The following SOS1 variants were observed in gnomAD, a reference collection of about 807,000 sequenced individuals.
SOS1 encodes son of sevenless homolog 1.
Under a neutral mutation model 157.6 loss-of-function variants are expected in SOS1, and 25 were observed. That is an observed-to-expected ratio of 0.16 (90% confidence interval 0.12 to 0.22). The LOEUF (loss-of-function observed/expected upper bound fraction) is 0.22. Ranked by LOEUF, SOS1 falls within the 10% of genes least tolerant of loss-of-function variation. The pLI is 1.00. For synonymous variants in SOS1, 528 were observed against 534.0 expected, an observed-to-expected ratio of 0.99 and a Z score of 0.16; for missense variants, 1,237 against 1,599.1, an observed-to-expected ratio of 0.77 and a Z score of 3.86.
intron 1 of SOS1, among the ~76,000 whole-genome samples, chr2:39,119,433 A>C (rs575325037): frequency 6.6e-6 from 1 of 152,360 alleles, no homozygotes; most frequent in South Asian, 2.1e-4. Flanking sequence ...GGTAAAACAT[A>C]ATCTCCATTC....
chr2:38,997,231 AT>A, intron 18 of SOS1, 21 bp downstream of exon 18: 2 of 1,571,692 alleles, frequency 1.3e-6, no homozygotes, highest in Non-Finnish European at 1.7e-6. Context: ...AGAAGTATGA[AT>A]CTTTAAATAA....
At chr2:39,042,283 A>C (rs952795490) in intron 6 of SOS1, among the ~76,000 whole-genome samples, 3 of 152,100 alleles carry the variant, frequency 2.0e-5, no homozygotes, top group Non-Finnish European at 2.9e-5. Context: ...CTATGCATTA[A>C]ATTTGTAGAT....
chr2:39,019,381 A>C (rs1441910356), intron 10 of SOS1, among the ~76,000 whole-genome samples: 1 of 151,704 alleles, frequency 6.6e-6, no homozygotes, highest in African/African-American at 2.4e-5. Context: ...ACAGACGTGA[A>C]ATTCCTACTC....
intron 1 of SOS1, among the ~76,000 whole-genome samples, chr2:39,073,950 C>T (rs1019328332): frequency 1.3e-5 from 2 of 152,134 alleles, no homozygotes; most frequent in African/African-American, 4.8e-5. Context: ...ATAATCAAAT[C>T]TCTTTCTTAG....
intron 6 of SOS1, among the ~76,000 whole-genome samples, chr2:39,039,064 AT>A (rs1472619701): frequency 6.6e-6 from 1 of 152,176 alleles, no homozygotes; most frequent in Non-Finnish European, 1.5e-5. Context: ...CAGCAAAAAG[AT>A]TATGACTCAC....
chr2:39,014,042 A>G (rs1669550344), intron 11 of SOS1, 53 bp from the exon 12 acceptor site: 3 of 1,422,880 alleles, frequency 2.1e-6, no homozygotes, highest in Non-Finnish European at 2.0e-6. Context: ...CGAGTTATAC[A>G]AATAGAAAAC....
At chr2:39,112,420 C>T (rs755881278) in intron 1 of SOS1, among the ~76,000 whole-genome samples, 1 of 152,224 alleles carries the variant, frequency 6.6e-6, no homozygotes, top group Non-Finnish European at 1.5e-5. Flanking sequence ...ACCTCAGTCT[C>T]CCAAGTGGCT....
chr2:39,037,042 T>C (rs937032661), intron 6 of SOS1, among the ~76,000 whole-genome samples: 1 of 152,180 alleles, frequency 6.6e-6, no homozygotes, highest in Non-Finnish European at 1.5e-5. Flanking sequence ...TGAGTTCTGG[T>C]TGTTGCATTT....
At chr2:39,010,892 T>C (rs946220645) in intron 14 of SOS1, among the ~76,000 whole-genome samples, 189 bp from the exon 15 acceptor site, 20 of 62,000 alleles carry the variant, frequency 3.2e-4, no homozygotes, top group African/African-American at 1.4e-3. Context: ...GGATTTTTTT[T>C]AAACTTTTTT....
At chr2:39,115,361 T>G (rs78092438) in intron 1 of SOS1, among the ~76,000 whole-genome samples, 2,842 of 151,818 alleles carry the variant, frequency 0.019, 46 homozygotes, top group Middle Eastern at 0.055. Flanking sequence ...TATAATTATT[T>G]TGAGATTCAG....
At chr2:39,122,892 T>A (rs769387932), upstream of SOS1, among the ~76,000 whole-genome samples, 2 of 152,102 alleles carry the variant, frequency 1.3e-5, no homozygotes, top group Non-Finnish European at 2.9e-5. Flanking sequence ...AAGAGATTGG[T>A]TTGTATGGTT....
intron 1 of SOS1, among the ~76,000 whole-genome samples, chr2:39,100,769 A>G (rs1392856085): frequency 6.6e-6 from 1 of 152,008 alleles, no homozygotes; most frequent in Non-Finnish European, 1.5e-5. Flanking sequence ...TTTAAAGAAA[A>G]ATAGCTGGGT....
intron 8 of SOS1, among the ~76,000 whole-genome samples, chr2:39,028,138 T>G (rs1011040852): frequency 2.0e-5 from 3 of 152,194 alleles, no homozygotes; most frequent in African/African-American, 7.2e-5. Context: ...GAATGAAAAC[T>G]CATATGCTCT....
At chr2:39,078,311 T>C (rs1243796295) in intron 1 of SOS1, among the ~76,000 whole-genome samples, 1 of 152,190 alleles carries the variant, frequency 6.6e-6, no homozygotes. Flanking sequence ...CAAGTATTGG[T>C]AAAGACATAA....
chr2:38,988,627 T>C (rs539140201), intron 21 of SOS1, among the ~76,000 whole-genome samples: 5 of 152,178 alleles, frequency 3.3e-5, no homozygotes, highest in South Asian at 2.1e-4. Flanking sequence ...CTTAAGAATA[T>C]AGTTAATTCA....
At chr2:39,102,530 C>CAAAAA (rs70954782) in intron 1 of SOS1, among the ~76,000 whole-genome samples, 44 of 50,474 alleles carry the variant, frequency 8.7e-4, no homozygotes, top group African/African-American at 1.0e-3. Flanking sequence ...GACTCCATCT[C>CAAAAA]AAAAAAAAAA....
intron 20 of SOS1, among the ~76,000 whole-genome samples, chr2:38,994,163 A>G (rs1412119474): frequency 6.6e-6 from 1 of 152,206 alleles, no homozygotes; most frequent in South Asian, 2.1e-4. Context: ...AAATATCTCA[A>G]TCATAAATTT....
intron 17 of SOS1, among the ~76,000 whole-genome samples, chr2:39,005,201 C>A (rs1669246127): frequency 6.6e-6 from 1 of 152,120 alleles, no homozygotes; most frequent in South Asian, 2.1e-4. Flanking sequence ...TGAATGTGGT[C>A]TTTCTCTCCC....
chr2:39,102,592 A>G (rs1673012354), intron 1 of SOS1, among the ~76,000 whole-genome samples: 1 of 146,462 alleles, frequency 6.8e-6, no homozygotes, highest in South Asian at 2.2e-4. Context: ...GTTATAGGTG[A>G]GGGGAAACAA....
Sources: allele counts gnomAD v4.1 joint callset (sites outside exome capture counted in the v4.1 genomes callset), GRCh38; gene constraint gnomAD v4.1.1; transcripts MANE v1.5; gene names NCBI Gene and HGNC (gene_info 2026-07-23, HGNC 2026-07-21).